The following CELF2 variants were observed in gnomAD, a reference collection of about 807,000 sequenced individuals.
CELF2 encodes the protein CUG triplet repeat RNA-binding protein 2.
CELF2 carries 8 observed loss-of-function variants against 62.6 expected under a neutral mutation model. The ratio of observed to expected loss-of-function variants is 0.13; its 90% CI spans 0.07 to 0.23. CELF2 has a LOEUF of 0.23. CELF2 is among the 10% of genes least tolerant of loss of function. The pLI is 1.00. For synonymous variants in CELF2, 258 were observed against 250.0 expected (o/e 1.03, Z -0.30); for missense variants, 333 against 671.0 (o/e 0.50, Z 5.56).
chr10:10,670,102 A>C, the CELF2 span, among the ~76,000 whole-genome samples: 1 of 152,124 alleles, frequency 6.6e-6, no homozygotes, highest in African/African-American at 2.4e-5. Flanking sequence ...GGGTTTTGCC[A>C]TGTTGGTCTG....
intron 2 of CELF2, among the ~76,000 whole-genome samples, chr10:10,982,194 A>T (rs1396603776): frequency 6.6e-6 from 1 of 151,854 alleles, no homozygotes; most frequent in Non-Finnish European, 1.5e-5. Context: ...ACCTCAGGTG[A>T]TCCACCCACC....
intron 2 of CELF2, among the ~76,000 whole-genome samples, chr10:11,193,589 A>C (rs942652928): frequency 2.0e-5 from 3 of 152,122 alleles, no homozygotes; most frequent in African/African-American, 7.2e-5. Context: ...ATTCCTGTTC[A>C]TTCCACCTGA....
intron 8 of CELF2, among the ~76,000 whole-genome samples, chr10:11,276,069 G>T (rs2765982): frequency 0.84 from 127,164 of 152,196 alleles, 55,610 homozygotes; most frequent in East Asian, 0.96. Context: ...GCGTTTTTTC[G>T]TTGTCATCAT....
chr10:10,569,160 A>G, the CELF2 span, among the ~76,000 whole-genome samples: 1 of 152,170 alleles, frequency 6.6e-6, no homozygotes, highest in Non-Finnish European at 1.5e-5. Flanking sequence ...TAAGTTTATC[A>G]GTCCATTTTC....
At chr10:11,100,060 G>A (rs2051102418) in intron 1 of CELF2, among the ~76,000 whole-genome samples, 1 of 151,874 alleles carries the variant, frequency 6.6e-6, no homozygotes, top group South Asian at 2.1e-4. Flanking sequence ...AAAATAGCCG[G>A]GCATGGTGGT....
At chr10:10,822,774 T>C (rs1206721784) in intron 1 of CELF2, among the ~76,000 whole-genome samples, 1 of 152,186 alleles carries the variant, frequency 6.6e-6, no homozygotes, top group Non-Finnish European at 1.5e-5. Flanking sequence ...TTGAACAAGT[T>C]TCAAAACCTA....
At chr10:10,777,302 A>C in the CELF2 span, among the ~76,000 whole-genome samples, 1 of 152,144 alleles carries the variant, frequency 6.6e-6, no homozygotes, top group African/African-American at 2.4e-5. Context: ...GTGCATCCTC[A>C]TACAGATGTC....
chr10:11,274,467 C>T (rs1391297971), intron 7 of CELF2, among the ~76,000 whole-genome samples: 1 of 152,216 alleles, frequency 6.6e-6, no homozygotes, highest in Non-Finnish European at 1.5e-5. Context: ...TACATAGCAC[C>T]AGATAGTTGT....
At chr10:10,563,607 CAAA>C in the CELF2 span, among the ~76,000 whole-genome samples, 4,349 of 86,966 alleles carry the variant, frequency 0.05, 192 homozygotes, top group African/African-American at 0.15. Context: ...GACTGTGTCT[CAAA>C]AAAAAAAAAA....
chr10:10,730,962 T>G, the CELF2 span, among the ~76,000 whole-genome samples: 3 of 152,188 alleles, frequency 2.0e-5, no homozygotes, highest in African/African-American at 7.2e-5. Context: ...TTGTTTGAAG[T>G]CCCTGATATT....
chr10:11,280,015 C>T lies in CELF2; in HGVS notation c.841+4895C>T, dbSNP rs925235172. 1.3e-5 allele frequency among the ~76,000 whole-genome samples: 2 copies of T among 152,176 alleles called. No homozygotes were observed. The highest frequency in any genetic ancestry group is 4.2e-4 in the South Asian group (2 of 4,800). On this transcript the variant is annotated intron_variant, in intron 8 of 12. Coordinates refer to ENST00000633077, the MANE Select transcript of CELF2 (RefSeq NM_001326342.2). The surrounding 1 kb of genome is among the most constrained non-coding windows in gnomAD (Gnocchi z 7.6). ...TGAAGTCAAATGCAGTTTTTCTTCT[C>T]GGAAAGGAACCGTTTGCCAAGCACG...
the CELF2 span, among the ~76,000 whole-genome samples, chr10:10,552,124 TTTG>T: frequency 2.0e-5 from 3 of 152,068 alleles, no homozygotes; most frequent in South Asian, 2.1e-4. Context: ...ACACAAGGCT[TTTG>T]TTGTTCTTGT....
chr10:11,085,406 G>A (rs1470986462), intron 1 of CELF2, among the ~76,000 whole-genome samples: 1 of 152,182 alleles, frequency 6.6e-6, no homozygotes, highest in South Asian at 2.1e-4. Context: ...ATTTGAGCCC[G>A]TGTATTAGAA....
At chr10:10,727,923 G>A in the CELF2 span, among the ~76,000 whole-genome samples, 8 of 152,130 alleles carry the variant, frequency 5.3e-5, no homozygotes, top group Admixed American at 1.3e-4. Context: ...AGCCTGGCAC[G>A]GAGCTGCTGG....
At chr10:10,745,534 G>A in the CELF2 span, among the ~76,000 whole-genome samples, 3 of 152,274 alleles carry the variant, frequency 2.0e-5, 1 homozygote, top group South Asian at 6.2e-4. Flanking sequence ...TCCTCCTGGG[G>A]CTTCGAGTTG....
chr10:10,794,383 G>T (rs1198910171), upstream of CELF2, among the ~76,000 whole-genome samples: 1 of 152,114 alleles, frequency 6.6e-6, no homozygotes, highest in African/African-American at 2.4e-5. Context: ...ACCAGAAAGG[G>T]AAAGAATTTA....
In CELF2 at chr10:11,260,682, T is replaced by A. The variant is rs1185264951; in HGVS notation, c.538+2810T>A. Reference sequence around the variant, plus strand: ...TTTTTTTAAACAGCAGAAAAGTAATTTCTGGTGAACTGATGAGAATTCCCT... The same window carrying A: ...TTTTTTTAAACAGCAGAAAAGTAATATCTGGTGAACTGATGAGAATTCCCT... On this transcript the variant is annotated intron_variant, in intron 5 of 12. Transcript: ENST00000633077. The surrounding 1 kb of genome is among the most constrained non-coding windows in gnomAD (Gnocchi z 4.2). Among the ~76,000 whole-genome samples the A allele has an allele frequency of 6.6e-6, 1 of 151,664 alleles. No homozygotes were observed. The highest frequency in any genetic ancestry group is 1.5e-5 in the Non-Finnish European group (1 of 67,912).
chr10:10,745,979 G>A, the CELF2 span, among the ~76,000 whole-genome samples: 1 of 152,190 alleles, frequency 6.6e-6, no homozygotes, highest in South Asian at 2.1e-4. Flanking sequence ...AACACTAACT[G>A]TCCTTATTTT....
chr10:11,233,890 C>T (rs1386995179), intron 3 of CELF2, among the ~76,000 whole-genome samples: 1 of 152,176 alleles, frequency 6.6e-6, no homozygotes, highest in Non-Finnish European at 1.5e-5. Flanking sequence ...ATTCTAGATG[C>T]TCTCTAGAAT....
Sources: gnomAD v4.1 joint callset for allele counts (sites outside exome capture counted in the v4.1 genomes callset) on GRCh38, gnomAD v4.1.1 for gene constraint, Gnocchi (gnomAD v3.1) non-coding constraint, MANE v1.5 for transcripts, NCBI Gene and HGNC (gene_info 2026-07-23, HGNC 2026-07-21) for gene names.